ABCA13: variants seen among roughly 807,000 people sequenced by gnomAD.
ABCA13 encodes ATP binding cassette subfamily A member 13.
Under a neutral mutation model 478.7 loss-of-function variants are expected in ABCA13, and 476 were observed. That is an observed-to-expected ratio of 0.99 (90% CI 0.92 to 1.07). The LOEUF (loss-of-function observed/expected upper bound fraction) is 1.07, where lower values mean the gene tolerates loss of function less well. Ranked by LOEUF, ABCA13 falls within the 50% of genes least tolerant of loss-of-function variation. The pLI, the probability that ABCA13 is intolerant of heterozygous loss-of-function variation, is 0.00. For synonymous variants in ABCA13, 2,252 were observed against 2,158.9 expected (o/e 1.04, Z -1.20); for missense variants, 6,060 against 5,910.6 (o/e 1.03, Z -0.83).
intron 38 of ABCA13, among the ~76,000 whole-genome samples, chr7:48,401,027 A>T (rs1330341899): frequency 6.6e-6 from 1 of 152,242 alleles, no homozygotes; most frequent in African/African-American, 2.4e-5. Flanking sequence ...GACCCAGTGG[A>T]TGCCAGTGTG....
intron 19 of ABCA13, among the ~76,000 whole-genome samples, chr7:48,286,181 C>T (rs979073721): frequency 5.3e-5 from 8 of 152,160 alleles, no homozygotes; most frequent in Admixed American, 1.3e-4. Context: ...ACTGACACAG[C>T]ATCATTCCGA....
intron 8 of ABCA13, among the ~76,000 whole-genome samples, chr7:48,234,621 AC>A (rs1789669233): frequency 6.6e-6 from 1 of 152,210 alleles, no homozygotes; most frequent in South Asian, 2.1e-4. Context: ...CTCTTCCCTA[AC>A]TAGGTGAAAT....
chr7:48,321,912 C>A (rs920047953), intron 27 of ABCA13, among the ~76,000 whole-genome samples: 1 of 152,224 alleles, frequency 6.6e-6, no homozygotes, highest in East Asian at 1.9e-4. Context: ...CCCTCCACCC[C>A]TGACTGTCAC....
At chr7:48,415,676 T>C (rs1563218567) in intron 41 of ABCA13, among the ~76,000 whole-genome samples, 1 of 152,210 alleles carries the variant, frequency 6.6e-6, no homozygotes, top group African/African-American at 2.4e-5. Flanking sequence ...TTTTTATTAT[T>C]AAGAAGAGTG....
intron 58 of ABCA13, among the ~76,000 whole-genome samples, chr7:48,607,579 T>A (rs1454141838): frequency 6.6e-6 from 1 of 152,222 alleles, no homozygotes; most frequent in East Asian, 1.9e-4. Flanking sequence ...AAATTTTTTC[T>A]TCTAAATCTA....
chr7:48,540,259 G>T (rs747273203), intron 55 of ABCA13, among the ~76,000 whole-genome samples: 1 of 152,064 alleles, frequency 6.6e-6, no homozygotes, highest in African/African-American at 2.4e-5. Flanking sequence ...GCAAAATTAG[G>T]TTTATTTCTT....
intron 58 of ABCA13, among the ~76,000 whole-genome samples, chr7:48,606,955 G>A (rs957852845): frequency 6.6e-6 from 1 of 152,334 alleles, no homozygotes; most frequent in Middle Eastern, 3.4e-3. Context: ...TTGCTGAGCT[G>A]CAGTGGGCTC....
intron 59 of ABCA13, among the ~76,000 whole-genome samples, chr7:48,623,425 TG>T (rs1793350892): frequency 6.6e-6 from 1 of 152,228 alleles, no homozygotes; most frequent in Non-Finnish European, 1.5e-5. Flanking sequence ...TCCCTTGGGA[TG>T]CCTTCTGTCA....
intron 7 of ABCA13, among the ~76,000 whole-genome samples, chr7:48,232,032 A>G (rs527717627): frequency 6.6e-6 from 1 of 152,042 alleles, no homozygotes; most frequent in South Asian, 2.1e-4. Flanking sequence ...TTGCTGCTTC[A>G]TGGAGCAAAC....
intron 59 of ABCA13, among the ~76,000 whole-genome samples, chr7:48,618,458 T>G (rs180864716): frequency 6.6e-6 from 1 of 152,198 alleles, no homozygotes; most frequent in East Asian, 1.9e-4. Flanking sequence ...AATAGAAAAA[T>G]TGAAGTACAA....
chr7:48,307,670 A>G (rs915772755), intron 23 of ABCA13, among the ~76,000 whole-genome samples: 2 of 152,094 alleles, frequency 1.3e-5, no homozygotes, highest in Non-Finnish European at 2.9e-5. Context: ...TTTTTACTTT[A>G]TAAACTTTAT....
chr7:48,255,583 A>G lies in ABCA13; in HGVS notation c.2005+6232A>G, dbSNP rs186863262. ...TATTTGATTTTCTGTTCCTGAATTAATTTTCTGAGAATACTGGCCCCCAGC... is the reference window on the plus strand; with the variant it reads ...TATTTGATTTTCTGTTCCTGAATTAGTTTTCTGAGAATACTGGCCCCCAGC... On this transcript the variant is annotated intron_variant, in intron 15 of 61. Coordinates refer to ENST00000435803, the MANE Select transcript of ABCA13 (RefSeq NM_152701.5). Among the ~76,000 whole-genome samples, 16 of 152,130 alleles carry G rather than the reference A, an allele frequency of 1.1e-4. No individual in the cohort carries two copies. In the East Asian group the frequency reaches 2.9e-3, roughly 28 times the overall value.
chr7:48,256,042 A>G (rs1359020545), intron 15 of ABCA13, among the ~76,000 whole-genome samples: 1 of 151,914 alleles, frequency 6.6e-6, no homozygotes, highest in Admixed American at 6.6e-5. Context: ...TTTGATTTGT[A>G]TTTCTCTAAT....
In ABCA13 at chr7:48,645,873, A is replaced by G. The variant is rs116101301; in HGVS notation, c.*361A>G. The G allele has an allele frequency of 8.0e-4, 144 of 180,736 alleles. 1 individual carries two copies. Among genetic ancestry groups the G allele is most frequent in the African/African-American group, 3.2e-3 (136 of 41,912 alleles). 11.2% of individuals were successfully genotyped at this position (180,736 alleles called of 1,614,324 possible). A position where few individuals can be genotyped will look rare whatever the true frequency, so the allele number is the denominator to read the frequency against. ...TGTGTGTGACATGTCCACTCTAAAC[A>G]TGTCACTTTTCTGTTAAGAAAACTG... On this transcript the variant is annotated 3_prime_UTR_variant, in exon 62 of 62. Coordinates refer to ENST00000435803, the MANE Select transcript of ABCA13 (RefSeq NM_152701.5).
At position 48,272,720 on chromosome 7, in the gene ABCA13, A is replaced by C. The variant is rs764446216; in HGVS notation, c.3054A>C (p.Ala1018=). Residue 1018 remains alanine, a synonymous_variant, in exon 17 of 62, where the codon GCA becomes GCC. Transcript: ENST00000435803. The part of the protein sequence containing the change: ...SKAFAFLFKT[A]EVLGGISNVS... ...CATTTGCATTTTTATTTAAGACAGC[A>C]GAGGTTCTTGGGGGAATTTCTAATG... 4.3e-6 allele frequency: 7 copies of C among 1,611,290 alleles called. No homozygotes were observed. In the South Asian group the frequency reaches 7.7e-5, roughly 18 times the overall value.
Position 48,214,601 on chromosome 7 carries a change from C to T in ABCA13, c.288-4753C>T, listed in dbSNP as rs534669595. Among the ~76,000 whole-genome samples the T allele has an allele frequency of 3.9e-5, 6 of 152,296 alleles. No individual in the cohort carries two copies. The South Asian group carries it at 1.0e-3, about 26-fold the overall frequency. ...AGATCTTCTGGAGAACTTGCTTCAG[C>T]TTCTATATCAATGCTTACATCTTCA... On this transcript the variant is annotated intron_variant, in intron 3 of 61. Transcript: ENST00000435803.
At chr7:48,227,866 C>T (rs1475521805) in intron 6 of ABCA13, among the ~76,000 whole-genome samples, 1 of 152,110 alleles carries the variant, frequency 6.6e-6, no homozygotes, top group African/African-American at 2.4e-5. Context: ...GAAATTATGC[C>T]ATAGTTGCCC....
At position 48,564,346 on chromosome 7, in the gene ABCA13, G is replaced by C. The variant is rs538071034; in HGVS notation, c.14355-15878G>C. On this transcript the variant is annotated intron_variant, in intron 55 of 61. Coordinates refer to ENST00000435803, the MANE Select transcript of ABCA13 (RefSeq NM_152701.5). Reference sequence around the variant, plus strand: ...GATTTAAAGAATGGTATAAAACTGAGGCATTATCATCTTATGGCTACTGGT... The same window carrying C: ...GATTTAAAGAATGGTATAAAACTGACGCATTATCATCTTATGGCTACTGGT... Among the ~76,000 whole-genome samples the C allele has an allele frequency of 1.3e-5, 2 of 151,638 alleles. 1 individual carries two copies. The highest frequency in any genetic ancestry group is 4.2e-4 in the South Asian group (2 of 4,802).
chr7:48,339,863 G>A (rs1237103728), intron 29 of ABCA13, among the ~76,000 whole-genome samples: 1 of 152,178 alleles, frequency 6.6e-6, no homozygotes, highest in Non-Finnish European at 1.5e-5. Flanking sequence ...GCATTCACGG[G>A]TGGGGTGGCG....
Sources: allele counts gnomAD v4.1 joint callset (sites outside exome capture counted in the v4.1 genomes callset), GRCh38; gene constraint gnomAD v4.1.1; transcripts MANE v1.5; gene names NCBI Gene and HGNC (gene_info 2026-07-23, HGNC 2026-07-21).